The following PHACTR1 variants were observed in gnomAD, a reference collection of about 807,000 sequenced individuals.
The protein encoded by PHACTR1 is phosphatase and actin regulator 1.
In PHACTR1, 16 loss-of-function variants were observed where a neutral mutation model predicts 69.2. The observed-to-expected ratio is 0.23, with a 90% confidence interval of 0.16 to 0.35. The LOEUF is 0.35. PHACTR1 is among the 10% of genes least tolerant of loss of function. The probability of loss-of-function intolerance (pLI) is 1.00; values close to 1 mark genes in which losing one functional copy is unlikely to be tolerated. For missense variants in PHACTR1, 510 were observed against 734.7 expected (o/e 0.69, Z 3.54); for synonymous variants, 312 against 284.5 (o/e 1.10, Z -0.97).
intron 4 of PHACTR1, among the ~76,000 whole-genome samples, chr6:13,014,050 A>G (rs1033527947): frequency 1.3e-5 from 2 of 151,992 alleles, no homozygotes; most frequent in African/African-American, 4.8e-5. Context: ...AACAACAACA[A>G]CAACGTGTCC....
intron 5 of PHACTR1, among the ~76,000 whole-genome samples, chr6:13,147,025 G>A (rs1472891698): frequency 6.6e-6 from 1 of 152,160 alleles, no homozygotes; most frequent in Non-Finnish European, 1.5e-5. Context: ...CTCTTTCACT[G>A]CAGGGTCACC....
intron 4 of PHACTR1, among the ~76,000 whole-genome samples, chr6:13,017,301 G>A (rs192690885): frequency 7.9e-5 from 12 of 151,924 alleles, no homozygotes; most frequent in Admixed American, 4.6e-4. Flanking sequence ...CACTGAATGT[G>A]GAACATTAGG....
intron 5 of PHACTR1, among the ~76,000 whole-genome samples, chr6:13,056,916 C>T (rs1806870503): frequency 6.6e-6 from 1 of 152,110 alleles, no homozygotes; most frequent in Non-Finnish European, 1.5e-5. Flanking sequence ...GTTAAACTGA[C>T]TTACCAGGAT....
rs79448333 is a variant in PHACTR1 at position 13,035,918 on chromosome 6, G to A, written c.251-17447G>A. 5.9e-3 allele frequency among the ~76,000 whole-genome samples: 904 copies of A among 152,182 alleles called. 4 individuals are homozygous for A. Among genetic ancestry groups the A allele is most frequent in the Non-Finnish European group, 9.8e-3 (664 of 68,006 alleles). ...AGATTTGTTAGGCTTAAACACAAAC[G>A]TAATATTTATATTACAATGATGATA... On this transcript the variant is annotated intron_variant, in intron 4 of 14. Coordinates refer to ENST00000332995, the MANE Select transcript of PHACTR1 (RefSeq NM_030948.6).
chr6:13,277,226 C>A (rs768552881), intron 11 of PHACTR1, among the ~76,000 whole-genome samples: 3 of 152,212 alleles, frequency 2.0e-5, no homozygotes, highest in Non-Finnish European at 4.4e-5. Context: ...ACCCCAGACT[C>A]TCCCATGTAC....
At chr6:12,802,807 GC>G (rs372272133) in intron 4 of PHACTR1, among the ~76,000 whole-genome samples, 20 of 152,248 alleles carry the variant, frequency 1.3e-4, no homozygotes, top group African/African-American at 7.2e-5. Flanking sequence ...TTGATGGAAA[GC>G]CCCTTGGCAC....
intron 4 of PHACTR1, among the ~76,000 whole-genome samples, chr6:12,824,446 C>T (rs1001747170): frequency 2.6e-5 from 4 of 152,324 alleles, no homozygotes; most frequent in Admixed American, 2.6e-4. Flanking sequence ...TTCCACGAAA[C>T]TGGTCCCTGG....
At chr6:12,959,202 A>AAAAAAAAAGAAAAG (rs1792352887) in intron 4 of PHACTR1, among the ~76,000 whole-genome samples, 1 of 69,104 alleles carries the variant, frequency 1.4e-5, no homozygotes, top group Admixed American at 1.2e-4. Context: ...AAAAGAAAAG[A>AAAAAAAAAGAAAAG]AAAAAAAAAG....
At chr6:12,811,138 G>C (rs1320102439) in intron 4 of PHACTR1, among the ~76,000 whole-genome samples, 1 of 152,184 alleles carries the variant, frequency 6.6e-6, no homozygotes, top group Non-Finnish European at 1.5e-5. Flanking sequence ...AGAGGAAGAT[G>C]CTCCGTTGGC....
intron 5 of PHACTR1, among the ~76,000 whole-genome samples, chr6:13,097,898 G>A (rs999843199): frequency 9.2e-5 from 14 of 152,130 alleles, no homozygotes; most frequent in South Asian, 4.2e-4. Flanking sequence ...ACTTCCCACC[G>A]TCTAATCTAC....
chr6:12,788,755 T>C (rs566797356), intron 4 of PHACTR1, among the ~76,000 whole-genome samples: 1 of 152,352 alleles, frequency 6.6e-6, no homozygotes, highest in Non-Finnish European at 1.5e-5. Flanking sequence ...TCATTGCCTC[T>C]GCCTTCTAGG....
intron 4 of PHACTR1, among the ~76,000 whole-genome samples, chr6:12,764,195 T>C (rs1561860684): frequency 6.6e-6 from 1 of 152,232 alleles, no homozygotes; most frequent in Non-Finnish European, 1.5e-5. Context: ...AATGAGAATC[T>C]TGCTATGAAT....
intron 4 of PHACTR1, among the ~76,000 whole-genome samples, chr6:12,883,736 G>C (rs958144811): frequency 6.6e-5 from 10 of 152,114 alleles, no homozygotes; most frequent in African/African-American, 2.4e-4. Flanking sequence ...CTCTGGGACT[G>C]AAGGATACTG....
At chr6:12,781,614 G>A (rs1202362873) in intron 4 of PHACTR1, among the ~76,000 whole-genome samples, 1 of 152,200 alleles carries the variant, frequency 6.6e-6, no homozygotes, top group East Asian at 1.9e-4. Context: ...TTAATGAAAA[G>A]CCTAGCCACA....
chr6:12,884,519 G>C (rs1179925480), intron 4 of PHACTR1, among the ~76,000 whole-genome samples: 1 of 151,828 alleles, frequency 6.6e-6, no homozygotes, highest in Non-Finnish European at 1.5e-5. Context: ...CCTTGCCTCA[G>C]CCTCCTAAGT....
intron 4 of PHACTR1, among the ~76,000 whole-genome samples, chr6:13,048,176 C>G (rs958837239): frequency 2.0e-5 from 3 of 152,106 alleles, no homozygotes; most frequent in Non-Finnish European, 2.9e-5. Flanking sequence ...CAGGAAAGAC[C>G]CCAGGAGTTT....
intron 5 of PHACTR1, among the ~76,000 whole-genome samples, chr6:13,106,118 C>G (rs563033067): frequency 1.2e-4 from 18 of 152,258 alleles, no homozygotes; most frequent in African/African-American, 4.1e-4. Context: ...ATCATTTTAA[C>G]ATTTCTATGG....
chr6:13,042,318 C>G (rs1159452619), intron 4 of PHACTR1, among the ~76,000 whole-genome samples: 1 of 152,156 alleles, frequency 6.6e-6, no homozygotes, highest in Admixed American at 6.6e-5. Context: ...GTTTTAGGGA[C>G]TGGCAGGCAG....
At chr6:13,204,579 A>C (rs1765647111) in intron 7 of PHACTR1, among the ~76,000 whole-genome samples, 1 of 152,134 alleles carries the variant, frequency 6.6e-6, no homozygotes, top group African/African-American at 2.4e-5. Flanking sequence ...AATGTGGAGC[A>C]TCTCTAGGAA....
Sources: gnomAD v4.1 joint callset for allele counts (sites outside exome capture counted in the v4.1 genomes callset) on GRCh38, gnomAD v4.1.1 for gene constraint, MANE v1.5 for transcripts, NCBI Gene and HGNC (gene_info 2026-07-23, HGNC 2026-07-21) for gene names.